The following ERC2 variants were observed in gnomAD, a reference collection of about 807,000 sequenced individuals.
The protein encoded by ERC2 is ERC protein 2.
In ERC2, 42 loss-of-function variants were observed where a neutral mutation model predicts 114.8. The observed-to-expected ratio is 0.37, with a 90% CI of 0.29 to 0.47. The LOEUF is 0.47. ERC2 is among the 20% of genes least tolerant of loss of function. The pLI is 0.99. For synonymous variants in ERC2, 454 were observed against 425.5 expected (o/e 1.07, Z -0.82); for missense variants, 939 against 1,150.7 (o/e 0.82, Z 2.66).
intron 8 of ERC2, among the ~76,000 whole-genome samples, chr3:56,018,632 C>T (rs1356285312): frequency 6.6e-6 from 1 of 152,058 alleles, no homozygotes; most frequent in African/African-American, 2.4e-5. Flanking sequence ...ATTATATCAT[C>T]GTAAGAGCAA....
intron 3 of ERC2, among the ~76,000 whole-genome samples, chr3:56,199,710 C>T (rs1458600605): frequency 2.6e-5 from 4 of 152,060 alleles, no homozygotes; most frequent in South Asian, 2.1e-4. Context: ...GGTCTCACTA[C>T]GTTGCCGAGG....
chr3:56,192,960 C>G (rs2150073724), intron 3 of ERC2, among the ~76,000 whole-genome samples: 1 of 152,270 alleles, frequency 6.6e-6, no homozygotes, highest in South Asian at 2.1e-4. Context: ...TGAAAAGGGT[C>G]CCAAAGGCAG....
At chr3:55,997,915 T>TGG (rs2071700006) in intron 10 of ERC2, among the ~76,000 whole-genome samples, 1 of 38,840 alleles carries the variant, frequency 2.6e-5, no homozygotes, top group Non-Finnish European at 4.8e-5. Flanking sequence ...TTTGTGTGTG[T>TGG]GTGTGTGTTT....
At chr3:55,634,503 C>T (rs559847806) in intron 17 of ERC2, among the ~76,000 whole-genome samples, 2 of 152,106 alleles carry the variant, frequency 1.3e-5, no homozygotes, top group African/African-American at 2.4e-5. Context: ...TCTAAAAAAA[C>T]GTAAAAGCCA....
intron 14 of ERC2, chr3:55,852,447 A>G (rs1228375851): frequency 1.9e-5 from 3 of 154,718 alleles, no homozygotes; most frequent in African/African-American, 7.2e-5. Flanking sequence ...CAGAAGAGGC[A>G]CAACAGCAAG....
chr3:56,400,368 T>C (rs2060476225), intron 2 of ERC2, among the ~76,000 whole-genome samples: 1 of 152,140 alleles, frequency 6.6e-6, no homozygotes, highest in Non-Finnish European at 1.5e-5. Context: ...TTTCTCCATG[T>C]CCAAAATTTT....
At chr3:55,898,205 C>A (rs1188622465) in intron 13 of ERC2, among the ~76,000 whole-genome samples, 1 of 152,138 alleles carries the variant, frequency 6.6e-6, no homozygotes, top group Non-Finnish European at 1.5e-5. Flanking sequence ...CCCTTGAGCA[C>A]TCTTCATTCC....
At chr3:55,741,247 C>A (rs1349960428) in intron 14 of ERC2, among the ~76,000 whole-genome samples, 1 of 152,064 alleles carries the variant, frequency 6.6e-6, no homozygotes, top group Non-Finnish European at 1.5e-5. Flanking sequence ...AATCACCTAC[C>A]AAGAAAATCA....
At chr3:56,447,128 G>A (rs184329190) in intron 1 of ERC2, among the ~76,000 whole-genome samples, 1 of 152,314 alleles carries the variant, frequency 6.6e-6, no homozygotes, top group East Asian at 1.9e-4. Context: ...GAGGAGATGC[G>A]GGTGGGGCAC....
chr3:56,363,819 AAGGG>A (rs1225974396), intron 2 of ERC2, among the ~76,000 whole-genome samples: 3 of 124,886 alleles, frequency 2.4e-5, no homozygotes, highest in Admixed American at 7.7e-5. Context: ...GGGAGGGAGA[AAGGG>A]AGGGAGGGAG....
At chr3:56,425,006 T>C (rs533735655) in intron 2 of ERC2, among the ~76,000 whole-genome samples, 2 of 152,194 alleles carry the variant, frequency 1.3e-5, no homozygotes, top group Admixed American at 6.5e-5. Flanking sequence ...CTATGACTGA[T>C]AAGCCCTTAA....
At chr3:56,459,865 G>A (rs2063232142) in intron 1 of ERC2, among the ~76,000 whole-genome samples, 1 of 152,232 alleles carries the variant, frequency 6.6e-6, no homozygotes, top group South Asian at 2.1e-4. Context: ...CCAGCAACTA[G>A]AGATTCCTGG....
chr3:55,853,578 T>A (rs981133111), intron 14 of ERC2, among the ~76,000 whole-genome samples: 3 of 152,110 alleles, frequency 2.0e-5, no homozygotes, highest in South Asian at 2.1e-4. Context: ...AATATAAGTA[T>A]GAATTGAATT....
intron 14 of ERC2, among the ~76,000 whole-genome samples, chr3:55,791,566 A>C (rs2070028475): frequency 6.6e-6 from 1 of 152,186 alleles, no homozygotes; most frequent in Non-Finnish European, 1.5e-5. Flanking sequence ...GTCAAGCTAA[A>C]ATCAAATGTC....
At chr3:56,350,650 A>C (rs1176274967) in intron 2 of ERC2, among the ~76,000 whole-genome samples, 1 of 152,220 alleles carries the variant, frequency 6.6e-6, no homozygotes, top group African/African-American at 2.4e-5. Flanking sequence ...CCATGAGCCC[A>C]TTGCTCAAAG....
At position 56,023,754 on chromosome 3, in the gene ERC2, T is replaced by A. The variant is rs571359290; in HGVS notation, c.1642-4723A>T. 2.5e-4 allele frequency among the ~76,000 whole-genome samples: 13 copies of A among 52,254 alleles called. No homozygotes were observed. The South Asian group carries it at 8.9e-3, about 36-fold the overall frequency. The allele number at this position is 52,254 out of a possible 152,430, so 34.3% of individuals were successfully genotyped here. A position where few individuals can be genotyped will look rare whatever the true frequency, so the allele number is the denominator to read the frequency against. On this transcript the variant is annotated intron_variant, in intron 7 of 17. Coordinates refer to ENST00000288221, the MANE Select transcript of ERC2 (RefSeq NM_015576.3). ...GGCAACACCCCACATATTAGCTTAC[T>A]GAATGAATGAAAAAAGGAATGAAGG...
At chr3:55,583,196 T>C (rs534933463) in intron 17 of ERC2, among the ~76,000 whole-genome samples, 12 of 152,112 alleles carry the variant, frequency 7.9e-5, no homozygotes, top group South Asian at 4.2e-4. Context: ...CTCTTCAGAG[T>C]CAAAGCAAAA....
intron 5 of ERC2, among the ~76,000 whole-genome samples, chr3:56,144,323 G>A (rs1344961393): frequency 2.0e-5 from 3 of 152,106 alleles, no homozygotes; most frequent in Non-Finnish European, 4.4e-5. Context: ...ATCAGAATTA[G>A]GATTATCTAA....
rs149111711 is a variant in ERC2, at chr3:56,304,321, G to A, written c.658-7886C>T. 5.7e-4 allele frequency among the ~76,000 whole-genome samples: 86 copies of A among 152,122 alleles called. 1 individual carries two copies. In the East Asian group the frequency reaches 0.014, roughly 25 times the overall value. ...GTGATATGAAAATACTGTTAACTTTGGGCCAACAAATTTTGAAATGTCAAG... is the reference window on the plus strand; with the variant it reads ...GTGATATGAAAATACTGTTAACTTTAGGCCAACAAATTTTGAAATGTCAAG... On this transcript the variant is annotated intron_variant, in intron 2 of 17. Coordinates refer to ENST00000288221, the MANE Select transcript of ERC2 (RefSeq NM_015576.3).
Sources: allele counts gnomAD v4.1 joint callset (sites outside exome capture counted in the v4.1 genomes callset), GRCh38; gene constraint gnomAD v4.1.1; transcripts MANE v1.5; gene names NCBI Gene and HGNC (gene_info 2026-07-23, HGNC 2026-07-21).